The following GPHN variants were observed in gnomAD, a reference collection of about 807,000 sequenced individuals.
GPHN encodes gephyrin.
Under a neutral mutation model 95.5 loss-of-function variants are expected in GPHN, and 17 were observed. The observed-to-expected ratio is 0.18, with a 90% confidence interval of 0.12 to 0.27. The LOEUF is 0.27. Ranked by LOEUF, GPHN falls within the 10% of genes least tolerant of loss-of-function variation. GPHN has a pLI of 1.00. For missense variants in GPHN, 660 were observed against 978.1 expected, an observed-to-expected ratio of 0.67 and a Z score of 4.34; for synonymous variants, 320 against 322.5, an observed-to-expected ratio of 0.99 and a Z score of 0.08.
At chr14:66,519,373 T>G (rs2058380674) in intron 1 of GPHN, among the ~76,000 whole-genome samples, 1 of 152,086 alleles carries the variant, frequency 6.6e-6, no homozygotes, top group African/African-American at 2.4e-5. Context: ...TATGTGTATG[T>G]GTATCATACA....
chr14:67,290,978 G>C, the GPHN span, among the ~76,000 whole-genome samples: 2 of 152,158 alleles, frequency 1.3e-5, no homozygotes, highest in Non-Finnish European at 2.9e-5. Context: ...ATTATAAAAA[G>C]CTAGAAGAAA....
chr14:66,986,103 T>G (rs1275140697), intron 9 of GPHN, among the ~76,000 whole-genome samples: 1 of 147,766 alleles, frequency 6.8e-6, no homozygotes, highest in Non-Finnish European at 1.5e-5. Flanking sequence ...TTCAGAATAT[T>G]ATCTCCCCTT....
chr14:67,322,191 A>T, the GPHN span, among the ~76,000 whole-genome samples: 1 of 151,870 alleles, frequency 6.6e-6, no homozygotes, highest in Non-Finnish European at 1.5e-5. Flanking sequence ...ACCAAAAATT[A>T]AAAAAAATTA....
At chr14:67,379,724 G>A in the GPHN span, among the ~76,000 whole-genome samples, 1 of 132,584 alleles carries the variant, frequency 7.5e-6, no homozygotes, top group Admixed American at 8.0e-5. Context: ...GCGGGATCTC[G>A]GCTCACTGCA....
chr14:66,757,908 GA>G (rs1566911523), intron 2 of GPHN, among the ~76,000 whole-genome samples: 1 of 152,174 alleles, frequency 6.6e-6, no homozygotes, highest in Non-Finnish European at 1.5e-5. Context: ...GAGTGGAATA[GA>G]ATTTATTAAG....
chr14:66,870,387 G>T (rs768630118), intron 4 of GPHN, among the ~76,000 whole-genome samples: 3 of 152,120 alleles, frequency 2.0e-5, no homozygotes, highest in Non-Finnish European at 4.4e-5. Context: ...TCTTCAGAAA[G>T]AATTAACTGT....
chr14:66,784,390 C>T (rs142797600), intron 3 of GPHN, among the ~76,000 whole-genome samples: 137 of 152,176 alleles, frequency 9.0e-4, no homozygotes, highest in African/African-American at 3.2e-3. Flanking sequence ...ACTAGAAAAC[C>T]ACTCTGAAAG....
At chr14:67,608,570 T>C in the GPHN span, among the ~76,000 whole-genome samples, 2 of 152,312 alleles carry the variant, frequency 1.3e-5, no homozygotes, top group Non-Finnish European at 2.9e-5. Flanking sequence ...AGTGGGAATG[T>C]GTGGAAGGTT....
At chr14:66,687,722 C>T (rs1292317619) in intron 2 of GPHN, among the ~76,000 whole-genome samples, 1 of 152,104 alleles carries the variant, frequency 6.6e-6, no homozygotes. Context: ...CTCCTGACCT[C>T]AGGTGATCCG....
At chr14:66,700,155 G>A (rs1243132433) in intron 2 of GPHN, among the ~76,000 whole-genome samples, 5 of 152,072 alleles carry the variant, frequency 3.3e-5, no homozygotes, top group Non-Finnish European at 4.4e-5. Flanking sequence ...TTCTATTTCT[G>A]TAGAGGATAT....
intron 4 of GPHN, among the ~76,000 whole-genome samples, chr14:66,877,423 A>C (rs1046423877): frequency 1.3e-5 from 2 of 152,326 alleles, no homozygotes; most frequent in Admixed American, 6.5e-5. Flanking sequence ...AGGGTATTCA[A>C]ATAAGAAGAG....
chr14:67,722,574 A>T, the GPHN span: 1 of 1,346,988 alleles, frequency 7.4e-7, no homozygotes, highest in African/African-American at 1.4e-5. Flanking sequence ...CAGACCAGGA[A>T]CCTGAGCCAG....
At chr14:67,347,498 C>CTA in the GPHN span, 2 of 1,292,304 alleles carry the variant, frequency 1.5e-6, no homozygotes, top group South Asian at 1.4e-5. Flanking sequence ...CCTTTAAGTT[C>CTA]TCTCTTTTTT....
the GPHN span, among the ~76,000 whole-genome samples, chr14:67,703,161 T>C: frequency 6.6e-6 from 1 of 152,146 alleles, no homozygotes; most frequent in Admixed American, 6.5e-5. Context: ...GAGATAGTAA[T>C]ACAAACTCAC....
intron 1 of GPHN, among the ~76,000 whole-genome samples, chr14:66,593,033 A>G (rs1392242653): frequency 6.6e-6 from 1 of 152,122 alleles, no homozygotes; most frequent in Non-Finnish European, 1.5e-5. Context: ...TCATTCTCAG[A>G]TAACTAACAC....
At chr14:66,573,069 C>A (rs949453250) in intron 1 of GPHN, among the ~76,000 whole-genome samples, 1 of 152,108 alleles carries the variant, frequency 6.6e-6, no homozygotes, top group Non-Finnish European at 1.5e-5. Context: ...ATAAATGATA[C>A]CATTTGGATC....
the GPHN span, among the ~76,000 whole-genome samples, chr14:67,328,275 GTCT>G: frequency 1.3e-5 from 2 of 152,314 alleles, no homozygotes; most frequent in Non-Finnish European, 2.9e-5. Flanking sequence ...CTGCATGAAT[GTCT>G]TCTTTTGAGA....
the GPHN span, chr14:67,557,313 T>C: frequency 6.2e-7 from 1 of 1,613,786 alleles, no homozygotes; most frequent in Non-Finnish European, 8.5e-7. Flanking sequence ...ATCTGAAGAA[T>C]GTGGACTCTG....
intron 10 of GPHN, among the ~76,000 whole-genome samples, chr14:67,041,362 C>T (rs959218037): frequency 6.6e-6 from 1 of 151,736 alleles, no homozygotes; most frequent in Non-Finnish European, 1.5e-5. Flanking sequence ...TGTTATCCCT[C>T]CCCTAACCCC....
Sources: gnomAD v4.1 joint callset for allele counts (sites outside exome capture counted in the v4.1 genomes callset) on GRCh38, gnomAD v4.1.1 for gene constraint, MANE v1.5 for transcripts, NCBI Gene and HGNC (gene_info 2026-07-23, HGNC 2026-07-21) for gene names.